LRFN5: variants seen among roughly 807,000 people sequenced by gnomAD.
LRFN5 encodes leucine-rich repeat and fibronectin type-III domain-containing protein 5.
A neutral mutation model predicts 45.6 loss-of-function variants in LRFN5; 24 were observed. The observed-to-expected ratio is 0.53, with a 90% CI of 0.38 to 0.74. LRFN5 has a LOEUF of 0.74. Among genes scored for constraint, LRFN5 ranks in the 30% least tolerant of loss-of-function variants. The pLI, the probability that LRFN5 is intolerant of heterozygous loss-of-function variation, is 0.00. For synonymous variants in LRFN5, 340 were observed against 313.8 expected, an observed-to-expected ratio of 1.08 and a Z score of -0.88; for missense variants, 776 against 861.5, an observed-to-expected ratio of 0.90 and a Z score of 1.24.
intron 1 of LRFN5, among the ~76,000 whole-genome samples, chr14:41,639,822 T>C (rs1879483841): frequency 6.6e-6 from 1 of 151,946 alleles, no homozygotes; most frequent in Non-Finnish European, 1.5e-5. Flanking sequence ...TTGCTTCATT[T>C]CCCAGGCTAG....
intron 1 of LRFN5, among the ~76,000 whole-genome samples, chr14:41,681,348 A>G (rs1019384610): frequency 1.1e-4 from 16 of 152,196 alleles, no homozygotes; most frequent in Admixed American, 1.0e-3. Flanking sequence ...TCAAGGATAA[A>G]GAAAAGATTT....
intron 2 of LRFN5, among the ~76,000 whole-genome samples, chr14:41,822,949 A>G (rs1888170640): frequency 6.9e-6 from 1 of 144,248 alleles, no homozygotes; most frequent in Admixed American, 7.1e-5. Flanking sequence ...TGTTTTGTCT[A>G]TTATCAGTGT....
At chr14:41,818,530 A>G (rs540093596) in intron 2 of LRFN5, among the ~76,000 whole-genome samples, 2 of 151,758 alleles carry the variant, frequency 1.3e-5, no homozygotes, top group Admixed American at 1.3e-4. Flanking sequence ...TACACATCCC[A>G]TTTACATTCC....
intron 2 of LRFN5, among the ~76,000 whole-genome samples, chr14:41,862,150 C>G (rs1889687315): frequency 6.6e-6 from 1 of 152,166 alleles, no homozygotes; most frequent in South Asian, 2.1e-4. Flanking sequence ...GTCAATTAAA[C>G]CTCTTTTCGT....
intron 1 of LRFN5, among the ~76,000 whole-genome samples, chr14:41,737,982 G>A (rs527947013): frequency 6.6e-6 from 1 of 152,124 alleles, no homozygotes; most frequent in South Asian, 2.1e-4. Context: ...ATTCTTCACG[G>A]AATTAGAAAA....
At chr14:41,872,331 A>G (rs1890046497) in intron 2 of LRFN5, among the ~76,000 whole-genome samples, 1 of 152,224 alleles carries the variant, frequency 6.6e-6, no homozygotes, top group Non-Finnish European at 1.5e-5. Flanking sequence ...AAAAGTATCT[A>G]AAGTATCTAT....
intron 1 of LRFN5, among the ~76,000 whole-genome samples, chr14:41,760,970 G>T (rs542861505): frequency 2.6e-5 from 4 of 152,078 alleles, no homozygotes; most frequent in Non-Finnish European, 4.4e-5. Context: ...ATAAAGATTT[G>T]CCACCTCCTC....
rs1476091978 is a variant in LRFN5 at position 41,887,055 on chromosome 14, G to T, written c.430G>T (p.Asp144Tyr). The T allele has an allele frequency of 6.2e-7, 1 of 1,614,104 alleles. No individual in the cohort carries two copies. The highest frequency in any genetic ancestry group is 2.2e-5 in the East Asian group (1 of 44,888). ...GACTTTAATTTCCTCTACAGCGTTT[G>T]ATGATGTCTTCGCCCTTGAGGAGCT... is the stretch of plus-strand genomic sequence containing the variant. ...QLTLISSTAF[D>Y]DVFALEELDL... is the part of the protein sequence containing the mutation. Residue 144 changes from aspartate to tyrosine, a missense_variant, in exon 3 of 6, where the codon GAT becomes TAT. Physicochemically the swap from Asp to Tyr is radical, Grantham distance 160 (BLOSUM62 -3). Around this residue, in one of 2 missense-constraint regions of LRFN5, gnomAD observed 311 missense variants for 405.1 expected, o/e 0.77. Coordinates refer to ENST00000298119, the MANE Select transcript of LRFN5 (RefSeq NM_152447.5). This position sits in a 1 kb window ranked among gnomAD's most constrained non-coding sequence, Gnocchi z 4.8.
intron 2 of LRFN5, among the ~76,000 whole-genome samples, chr14:41,845,141 C>T (rs1259685207): frequency 1.3e-5 from 1 of 75,994 alleles, no homozygotes; most frequent in Non-Finnish European, 2.6e-5. Context: ...TGGGGGAAAA[C>T]ATGAGTAGAT....
intron 2 of LRFN5, among the ~76,000 whole-genome samples, chr14:41,874,589 C>T (rs2139125045): frequency 6.6e-6 from 1 of 152,234 alleles, no homozygotes; most frequent in East Asian, 1.9e-4. Flanking sequence ...TCATAATGCA[C>T]TTTAATTTAT....
chr14:41,800,971 T>C (rs1214074254), intron 2 of LRFN5, among the ~76,000 whole-genome samples: 1 of 152,106 alleles, frequency 6.6e-6, no homozygotes, highest in African/African-American at 2.4e-5. Context: ...ATATAAATTA[T>C]TTGTACTTTT....
chr14:41,702,302 A>G (rs1882871317), intron 1 of LRFN5, among the ~76,000 whole-genome samples: 1 of 152,172 alleles, frequency 6.6e-6, no homozygotes, highest in Non-Finnish European at 1.5e-5. Flanking sequence ...CCATGAAGCG[A>G]CATACAAGGA....
At chr14:41,888,034 T>G (rs757635702) in intron 3 of LRFN5, 24 bp downstream of exon 3, 2 of 1,534,220 alleles carry the variant, frequency 1.3e-6, no homozygotes, top group African/African-American at 1.4e-5. Context: ...AGCAAATTTG[T>G]ATACTTACCA....
chr14:41,731,326 A>G (rs1473302031), intron 1 of LRFN5: 1 of 151,928 alleles, frequency 6.6e-6, no homozygotes, highest in Non-Finnish European at 1.5e-5. Context: ...ATTTGTCACA[A>G]ACTTAACCAG....
At position 41,876,277 on chromosome 14, in the gene LRFN5, C is replaced by CTTTTTTT. The variant is rs34291427; in HGVS notation, c.-20-10314_-20-10308dup. On this transcript the variant is annotated intron_variant, in intron 2 of 5. Transcript: ENST00000298119. ...GGAATGCGTAATTGTCTTTTTCTTTCTTTTTTTTTTTTTTTTTTTTTGAGA... is the reference window on the plus strand; with the variant it reads ...GGAATGCGTAATTGTCTTTTTCTTTCTTTTTTTTTTTTTTTTTTTTTTTTTTTTGAGA... Among the ~76,000 whole-genome samples the CTTTTTTT allele has an allele frequency of 2.9e-3, 289 of 100,596 alleles. 3 individuals are homozygous for CTTTTTTT. Among genetic ancestry groups the CTTTTTTT allele is most frequent in the Non-Finnish European group, 3.4e-3 (179 of 52,144 alleles). 66.0% of individuals were successfully genotyped at this position (100,596 alleles called of 152,430 possible). A position where few individuals can be genotyped will look rare whatever the true frequency, so the allele number is the denominator to read the frequency against.
At chr14:41,895,619 T>C (rs916119358) in intron 4 of LRFN5, among the ~76,000 whole-genome samples, 1 of 151,748 alleles carries the variant, frequency 6.6e-6, no homozygotes, top group Admixed American at 6.6e-5. Flanking sequence ...AGAGAGACTC[T>C]GTCTCAAAAG....
intron 1 of LRFN5, among the ~76,000 whole-genome samples, chr14:41,740,681 T>C (rs548413416): frequency 2.0e-5 from 3 of 152,010 alleles, no homozygotes; most frequent in South Asian, 2.1e-4. Flanking sequence ...CTATTCATTA[T>C]AGTATTGGAA....
At chr14:41,760,824 A>T (rs1164252232) in intron 1 of LRFN5, among the ~76,000 whole-genome samples, 2 of 152,172 alleles carry the variant, frequency 1.3e-5, no homozygotes, top group South Asian at 2.1e-4. Context: ...ACATAAGGGG[A>T]TTATATTATA....
chr14:41,808,299 T>C (rs150255819), intron 2 of LRFN5, among the ~76,000 whole-genome samples: 10 of 122,820 alleles, frequency 8.1e-5, no homozygotes, highest in African/African-American at 2.9e-4. Flanking sequence ...GTATACCCAA[T>C]TGTGGCCAGA....
Sources: allele counts gnomAD v4.1 joint callset (sites outside exome capture counted in the v4.1 genomes callset), GRCh38; gene constraint gnomAD v4.1.1; regional missense constraint gnomAD v4.1.1; non-coding constraint Gnocchi (gnomAD v3.1); transcripts MANE v1.5; gene names NCBI Gene and HGNC (gene_info 2026-07-23, HGNC 2026-07-21).